ANKS1B: variants seen among roughly 807,000 people sequenced by gnomAD.
ANKS1B encodes ankyrin repeat and sterile alpha motif domain containing 1B.
Under a neutral mutation model 148.3 loss-of-function variants are expected in ANKS1B, and 36 were observed. The ratio of observed to expected loss-of-function variants is 0.24; its 90% CI spans 0.19 to 0.32. ANKS1B has a LOEUF of 0.32. Ranked by LOEUF, ANKS1B falls within the 10% of genes least tolerant of loss-of-function variation. ANKS1B has a pLI of 1.00. For synonymous variants in ANKS1B, 542 were observed against 560.8 expected, an observed-to-expected ratio of 0.97 and a Z score of 0.47; for missense variants, 1,157 against 1,542.6, an observed-to-expected ratio of 0.75 and a Z score of 4.19.
chr12:99,647,325 T>C (rs2098380123), intron 9 of ANKS1B, among the ~76,000 whole-genome samples: 1 of 152,170 alleles, frequency 6.6e-6, no homozygotes, highest in African/African-American at 2.4e-5. Context: ...ATTTAAGCAA[T>C]CCCCTATTGT....
chr12:99,231,406 A>G (rs1188369379), intron 14 of ANKS1B, among the ~76,000 whole-genome samples: 2 of 152,162 alleles, frequency 1.3e-5, no homozygotes, highest in Admixed American at 6.6e-5. Flanking sequence ...TGAAAGGAGT[A>G]TGGACTTCAG....
At chr12:99,766,264 C>T (rs924901207) in intron 8 of ANKS1B, among the ~76,000 whole-genome samples, 8 of 152,022 alleles carry the variant, frequency 5.3e-5, no homozygotes, top group African/African-American at 1.7e-4. Context: ...AATAATGAAC[C>T]TACTGTCAAA....
At chr12:99,569,621 C>A (rs117864935) in intron 9 of ANKS1B, among the ~76,000 whole-genome samples, 1 of 152,132 alleles carries the variant, frequency 6.6e-6, no homozygotes, top group African/African-American at 2.4e-5. Flanking sequence ...ATTCTCCAAG[C>A]GGCTGGAAGA....
At chr12:99,044,141 T>C (rs879346064) in intron 17 of ANKS1B, among the ~76,000 whole-genome samples, 3 of 152,234 alleles carry the variant, frequency 2.0e-5, no homozygotes, top group Non-Finnish European at 4.4e-5. Flanking sequence ...TACTAGAATA[T>C]TTCCCCTCTC....
chr12:99,761,236 G>GACACACAC (rs147419547), intron 8 of ANKS1B, among the ~76,000 whole-genome samples: 98 of 149,348 alleles, frequency 6.6e-4, no homozygotes, highest in African/African-American at 2.4e-3. Flanking sequence ...ACCTGGCAAA[G>GACACACAC]ACACACACAC....
chr12:99,825,469 A>G, intron 1 of ANKS1B, 80 bp from the exon 2 acceptor site: 1 of 1,070,962 alleles, frequency 9.3e-7, no homozygotes, highest in Non-Finnish European at 1.4e-6. Context: ...TGGTAGCCCC[A>G]CAGTCAGCAG....
chr12:99,742,434 CAACAT>C (rs1425510947), intron 8 of ANKS1B, among the ~76,000 whole-genome samples: 1 of 151,850 alleles, frequency 6.6e-6, no homozygotes, highest in Non-Finnish European at 1.5e-5. Context: ...ACTTAAGAAA[CAACAT>C]AACAAAGACT....
At chr12:98,847,701 T>C (rs988445977) in intron 17 of ANKS1B, among the ~76,000 whole-genome samples, 3 of 152,174 alleles carry the variant, frequency 2.0e-5, no homozygotes, top group Admixed American at 2.0e-4. Context: ...GTTCAAACGA[T>C]TCTCCTGCTT....
intron 14 of ANKS1B, among the ~76,000 whole-genome samples, chr12:99,179,358 GA>G (rs1566564503): frequency 1.4e-5 from 2 of 144,308 alleles, no homozygotes; most frequent in East Asian, 4.2e-4. Context: ...GAACCCAGGA[GA>G]TGGAGCTTGC....
chr12:98,960,386 C>T (rs530357899), intron 17 of ANKS1B, among the ~76,000 whole-genome samples: 10 of 152,174 alleles, frequency 6.6e-5, no homozygotes, highest in Non-Finnish European at 1.3e-4. Flanking sequence ...TTATCCAAGA[C>T]CACCAAGTAC....
intron 12 of ANKS1B, among the ~76,000 whole-genome samples, chr12:99,396,369 G>C (rs1199838148): frequency 2.0e-5 from 3 of 152,124 alleles, no homozygotes; most frequent in Non-Finnish European, 4.4e-5. Context: ...ACTTTTGCAA[G>C]TACAAATGCC....
intron 4 of ANKS1B, among the ~76,000 whole-genome samples, chr12:99,794,489 ACATT>A (rs1293888107): frequency 6.6e-6 from 1 of 151,618 alleles, no homozygotes; most frequent in Non-Finnish European, 1.5e-5. Flanking sequence ...ACACACACAC[ACATT>A]TTCTTGGAGT....
chr12:99,397,147 G>C (rs1327600990), intron 12 of ANKS1B, among the ~76,000 whole-genome samples: 1 of 152,052 alleles, frequency 6.6e-6, no homozygotes, highest in Non-Finnish European at 1.5e-5. Flanking sequence ...AGAATACAAA[G>C]AATTATGTTA....
rs75815621 is a variant in ANKS1B at position 99,081,094 on chromosome 12, T to A, written c.2625+3831A>T. On this transcript the variant is annotated intron_variant, in intron 16 of 26. Coordinates refer to ENST00000683438, the MANE Select transcript of ANKS1B (RefSeq NM_001352186.2). ...TGTATCAAATGTAGTTGAGAAGATG[T>A]AAATCTTCGCATTGGTGAATATTTC... Among the ~76,000 whole-genome samples, 461 of 152,320 alleles carry A rather than the reference T, an allele frequency of 3.0e-3. 2 individuals are homozygous for A. The highest frequency in any genetic ancestry group is 5.6e-3 in the Non-Finnish European group (379 of 68,034).
intron 1 of ANKS1B, among the ~76,000 whole-genome samples, chr12:99,975,171 A>G (rs1603569366): frequency 6.6e-6 from 1 of 151,990 alleles, no homozygotes. Context: ...TGGAAGAATT[A>G]CCACCTGTAT....
chr12:98,904,729 A>C (rs2099776639), intron 17 of ANKS1B, among the ~76,000 whole-genome samples: 1 of 152,212 alleles, frequency 6.6e-6, no homozygotes, highest in South Asian at 2.1e-4. Flanking sequence ...CCAGGAACCA[A>C]AGAGAAGTGC....
At chr12:99,486,483 T>C (rs2096491007) in intron 10 of ANKS1B, among the ~76,000 whole-genome samples, 1 of 151,844 alleles carries the variant, frequency 6.6e-6, no homozygotes, top group South Asian at 2.1e-4. Context: ...TATTTATTTA[T>C]TTATTTATTT....
intron 14 of ANKS1B, among the ~76,000 whole-genome samples, chr12:99,182,342 T>C (rs1157742673): frequency 6.6e-6 from 1 of 152,176 alleles, no homozygotes; most frequent in Non-Finnish European, 1.5e-5. Context: ...AACCATATCA[T>C]CATCTTACTC....
intron 1 of ANKS1B, among the ~76,000 whole-genome samples, chr12:99,833,117 AG>A (rs1489065242): frequency 6.6e-6 from 1 of 152,250 alleles, no homozygotes; most frequent in Non-Finnish European, 1.5e-5. Flanking sequence ...TTCTGTGAAT[AG>A]TCTGAATGTT....
Sources: gnomAD v4.1 joint callset for allele counts (sites outside exome capture counted in the v4.1 genomes callset) on GRCh38, gnomAD v4.1.1 for gene constraint, MANE v1.5 for transcripts, NCBI Gene and HGNC (gene_info 2026-07-23, HGNC 2026-07-21) for gene names.